The following TDRD12 variants were observed in gnomAD, a reference collection of about 807,000 sequenced individuals.
The protein encoded by TDRD12 is tudor domain containing 12, also known as putative ATP-dependent RNA helicase TDRD12.
In TDRD12, 158 loss-of-function variants were observed where a neutral mutation model predicts 133.5. That is an observed-to-expected ratio of 1.18 (90% CI 1.04 to 1.35). TDRD12 has a LOEUF of 1.35. Among genes scored for constraint, TDRD12 ranks in the 40% most tolerant of loss-of-function variants. TDRD12 has a pLI of 0.00. For synonymous variants in TDRD12, 460 were observed against 477.9 expected (o/e 0.96, Z 0.49); for missense variants, 1,443 against 1,321.3 (o/e 1.09, Z -1.43).
At chr19:32,815,375 T>A in intron 25 of TDRD12, 73 bp from the exon 26 acceptor site, 1 of 1,288,240 alleles carries the variant, frequency 7.8e-7, no homozygotes, top group Non-Finnish European at 1.1e-6. Flanking sequence ...AGAGAGGCCC[T>A]GTGGGAATGT....
intron 8 of TDRD12, among the ~76,000 whole-genome samples, chr19:32,759,572 T>C (rs1970095009): frequency 6.6e-6 from 1 of 152,008 alleles, no homozygotes; most frequent in Non-Finnish European, 1.5e-5. Flanking sequence ...TGAACCAAGA[T>C]TGTGCCACTG....
intron 8 of TDRD12, among the ~76,000 whole-genome samples, chr19:32,763,617 T>G (rs1431740790): frequency 6.6e-6 from 1 of 152,110 alleles, no homozygotes; most frequent in Non-Finnish European, 1.5e-5. Flanking sequence ...ACTTTTCCCC[T>G]CTTCCTGTCG....
chr19:32,734,148 G>T (rs998616058), intron 2 of TDRD12, among the ~76,000 whole-genome samples: 22 of 152,138 alleles, frequency 1.4e-4, no homozygotes, highest in African/African-American at 5.3e-4. Flanking sequence ...ACCCGTCTCA[G>T]CCTCCCAAAG....
rs141937521 is a variant in TDRD12 at position 32,781,734 on chromosome 19, T to G, written c.1121+4505T>G. ...CTCTGGAAGCTTATAGGATCTTCCT[T>G]TGTTGCCGGTGTTTGGAAGTTTCCT... is the stretch of plus-strand genomic sequence containing the variant. On this transcript the variant is annotated intron_variant, in intron 11 of 27. Coordinates refer to ENST00000444215, the Ensembl canonical transcript of TDRD12. Among the ~76,000 whole-genome samples, 671 of 151,958 alleles carry G rather than the reference T, an allele frequency of 4.4e-3. 5 individuals carry two copies. The highest frequency in any genetic ancestry group is 0.015 in the African/African-American group (636 of 41,436).
chr19:32,813,662 T>C (rs1475182187), intron 24 of TDRD12, 22 bp from the exon 25 acceptor site: 6 of 1,408,094 alleles, frequency 4.3e-6, no homozygotes, highest in Non-Finnish European at 4.8e-6. Flanking sequence ...TCACCTAAAA[T>C]AATGTTAAGT....
chr19:32,780,238 C>T (rs1970723362), intron 11 of TDRD12, among the ~76,000 whole-genome samples: 1 of 151,984 alleles, frequency 6.6e-6, no homozygotes, highest in Non-Finnish European at 1.5e-5. Context: ...CGCATGCCAC[C>T]ATGCCCAGCT....
In TDRD12 at chr19:32,798,288, A is replaced by C. The variant is rs1347586712; in HGVS notation, c.1631-20A>C. 1.3e-6 allele frequency: 2 copies of C among 1,514,530 alleles called. No homozygotes were observed. Among genetic ancestry groups the C allele is most frequent in the Admixed American group, 2.0e-5 (1 of 49,762 alleles). 93.8% of individuals were successfully genotyped at this position (1,514,530 alleles called of 1,614,324 possible). ...AACCTGTGGAAAATTGAAAATGTTC[A>C]CTTTTTTTTTTAAATGCAGGTGATG... is the stretch of plus-strand genomic sequence containing the variant. On this transcript the variant is annotated intron_variant, in intron 15 of 27. Coordinates refer to ENST00000444215, the Ensembl canonical transcript of TDRD12.
At chr19:32,789,716 C>T (rs1971012579) in intron 11 of TDRD12, among the ~76,000 whole-genome samples, 1 of 152,212 alleles carries the variant, frequency 6.6e-6, no homozygotes, top group South Asian at 2.1e-4. Context: ...AATCCATTTA[C>T]AGGGCCGGGC....
At chr19:32,800,475 C>A in intron 17 of TDRD12, 117 bp downstream of exon 17, 1 of 1,003,294 alleles carries the variant, frequency 1.0e-6, no homozygotes, top group Non-Finnish European at 1.4e-6. Context: ...ACAATTACAG[C>A]TTTGATTTCA....
Position 32,811,485 on chromosome 19 carries a change from A to G in TDRD12, c.3048+65A>G, listed in dbSNP as rs896384530. On this transcript the variant is annotated intron_variant, in intron 24 of 27. Coordinates refer to ENST00000444215, the Ensembl canonical transcript of TDRD12. ...AATATATTTAACCGAGAATATACAC[A>G]GAATTGAGGCCTGTCTGGATTTACA... 2.9e-6 allele frequency: 4 copies of G among 1,379,108 alleles called. No individual in the cohort carries two copies. The Admixed American group carries it at 7.9e-5, about 27-fold the overall frequency. The allele number at this position is 1,379,108 out of a possible 1,614,324, so 85.4% of individuals were successfully genotyped here.
At chr19:32,774,581 C>G (rs1467672677) in intron 10 of TDRD12, among the ~76,000 whole-genome samples, 1 of 152,102 alleles carries the variant, frequency 6.6e-6, no homozygotes, top group African/African-American at 2.4e-5. Context: ...TTCTCTCTTG[C>G]ATTGTTCCCA....
intron 19 of TDRD12, among the ~76,000 whole-genome samples, chr19:32,802,156 T>TG (rs1971410547): frequency 7.0e-6 from 1 of 142,934 alleles, no homozygotes; most frequent in Non-Finnish European, 1.5e-5. Flanking sequence ...TTATCATATA[T>TG]ATATATGATA....
intron 24 of TDRD12, among the ~76,000 whole-genome samples, chr19:32,812,944 G>A (rs1967056747): frequency 6.6e-6 from 1 of 152,076 alleles, no homozygotes; most frequent in Non-Finnish European, 1.5e-5. Context: ...GCCCAAGATG[G>A]GAGGATTGCT....
chr19:32,779,883 C>A (rs1383381731), intron 11 of TDRD12, among the ~76,000 whole-genome samples: 2 of 152,104 alleles, frequency 1.3e-5, no homozygotes, highest in African/African-American at 2.4e-5. Context: ...CCACTCACGT[C>A]ATCTCTGATA....
chr19:32,765,940 CATG>C (rs1311766204), intron 8 of TDRD12, among the ~76,000 whole-genome samples: 2 of 150,648 alleles, frequency 1.3e-5, no homozygotes, highest in African/African-American at 2.4e-5. Context: ...TTTATGTCCT[CATG>C]ATGAATTGAT....
At chr19:32,754,781 A>G (rs955073442) in intron 6 of TDRD12, among the ~76,000 whole-genome samples, 5 of 148,076 alleles carry the variant, frequency 3.4e-5, no homozygotes, top group African/African-American at 1.3e-4. Flanking sequence ...GGTTCCAGTA[A>G]TTATCCAGCC....
At chr19:32,768,180 A>G (rs907972647) in intron 8 of TDRD12, among the ~76,000 whole-genome samples, 1 of 152,120 alleles carries the variant, frequency 6.6e-6, no homozygotes, top group Non-Finnish European at 1.5e-5. Flanking sequence ...TGCTTTGCAG[A>G]AGGAGTTTGC....
chr19:32,774,042 G>A (rs1330333130), intron 10 of TDRD12, among the ~76,000 whole-genome samples: 3 of 152,134 alleles, frequency 2.0e-5, no homozygotes, highest in South Asian at 2.1e-4. Context: ...TACCCAGGGC[G>A]GAAAGAGAAG....
At chr19:32,824,362 T>C (rs906449729), downstream of TDRD12, 2 of 152,974 alleles carry the variant, frequency 1.3e-5, no homozygotes, top group Non-Finnish European at 2.9e-5. Context: ...GTGGACCCCG[T>C]GCCCTCCTCT....
Sources: allele counts gnomAD v4.1 joint callset (sites outside exome capture counted in the v4.1 genomes callset), GRCh38; gene constraint gnomAD v4.1.1; transcripts MANE v1.5; gene names NCBI Gene and HGNC (gene_info 2026-07-23, HGNC 2026-07-21).